The following ANO8 variants were observed in gnomAD, a reference collection of about 807,000 sequenced individuals.
ANO8 encodes anoctamin 8.
ANO8 carries 67 observed loss-of-function variants against 120.4 expected under a neutral mutation model. The ratio of observed to expected loss-of-function variants is 0.56; its 90% CI spans 0.46 to 0.68. ANO8 has a LOEUF of 0.68. Among genes scored for constraint, ANO8 ranks in the 30% least tolerant of loss-of-function variants. The probability of loss-of-function intolerance (pLI) is 0.00; values close to 1 mark genes in which losing one functional copy is unlikely to be tolerated. For missense variants in ANO8, 1,526 were observed against 1,737.6 expected (o/e 0.88, Z 2.16); for synonymous variants, 727 against 759.2 (o/e 0.96, Z 0.70).
At position 17,327,458 on chromosome 19, in the gene ANO8, C is replaced by G. The variant is rs753940125; in HGVS notation, c.2530G>C (p.Val844Leu). Residue 844 changes from valine (V) to leucine (L), a missense_variant, in exon 15 of 18, where the codon GTG (valine) becomes CTG (leucine). Val to Leu is a conservative substitution (Grantham distance 32). Around this residue, in one of 8 missense-constraint regions of ANO8, gnomAD observed 489 missense variants for 548.6 expected, o/e 0.89. Transcript: ENST00000159087. ...FPWLSPEAAI[V>L]SVVVLEHFAL... ...CCCACCTCGAGCACTACCACCGACACGATGGCTGCCTCCGGGCTCAGCCAG... is the reference window on the plus strand; with the variant it reads ...CCCACCTCGAGCACTACCACCGACAGGATGGCTGCCTCCGGGCTCAGCCAG... 51 of 1,612,094 alleles carry G rather than the reference C, an allele frequency of 3.2e-5. No homozygotes were observed. Among genetic ancestry groups the G allele is most frequent in the Non-Finnish European group, 4.3e-5 (51 of 1,179,432 alleles).
Position 17,334,731 on chromosome 19 carries a change from A to G in ANO8, c.-61T>C, listed in dbSNP as rs1045729687. On this transcript the variant is annotated 5_prime_UTR_variant, in exon 1 of 18. The change abolishes an upstream ATG in the 5' untranslated region. Transcript: ENST00000159087. Reference sequence around the variant, plus strand: ...CCGGGCGACGGGGAGCCGCGGGCTCATGGGGCCGGTGCAGCCGCGGAGCGC... The same window carrying G: ...CCGGGCGACGGGGAGCCGCGGGCTCGTGGGGCCGGTGCAGCCGCGGAGCGC... 1 of 1,297,430 alleles carries G rather than the reference A, an allele frequency of 7.7e-7. No homozygotes were observed. The highest frequency in any genetic ancestry group is 9.9e-7 in the Non-Finnish European group (1 of 1,007,678). The allele number at this position is 1,297,430 out of a possible 1,614,324, so 80.4% of individuals were successfully genotyped here. A position where few individuals can be genotyped will look rare whatever the true frequency, so the allele number is the denominator to read the frequency against.
Position 17,327,324 on chromosome 19 carries a change from A to C in ANO8, c.2572T>G (p.Tyr858Asp), listed in dbSNP as rs2074279145. ...TCGGGGATGGCCACGTGGATGAGGTACTTGAGGAGCAGAGCGAAGTGCTGC... is the reference window on the plus strand; with the variant it reads ...TCGGGGATGGCCACGTGGATGAGGTCCTTGAGGAGCAGAGCGAAGTGCTGC... ...VLEHFALLLK[Y>D]LIHVAIPDIP... The change falls in exon 16 of 18, where the codon TAC becomes GAC. Residue 858 changes from tyrosine (Y) to aspartate (D), a missense_variant. This residue lies in a region of ANO8 where 489 missense variants were observed against 548.6 expected (regional missense o/e 0.89). Transcript: ENST00000159087. The C allele has an allele frequency of 6.4e-7, 1 of 1,550,448 alleles. No individual in the cohort carries two copies. Among genetic ancestry groups the C allele is most frequent in the South Asian group, 1.2e-5 (1 of 84,114 alleles).
chr19:17,331,193 A>G lies in ANO8; in HGVS notation c.726T>C (p.Gly242=). 1 of 1,614,090 alleles carries G rather than the reference A, an allele frequency of 6.2e-7. No homozygotes were observed. Among genetic ancestry groups the G allele is most frequent in the Non-Finnish European group, 8.5e-7 (1 of 1,180,022 alleles). ...AGGCGAAGTACATGGCAATTTTCACACCAAAGTAATCACAGATGTCATCTG... is the reference window on the plus strand; with the variant it reads ...AGGCGAAGTACATGGCAATTTTCACGCCAAAGTAATCACAGATGTCATCTG... The part of the protein sequence containing the change: ...QPLDDICDYF[G]VKIAMYFAWL... The change falls in exon 7 of 18, where the codon GGT becomes GGC. Residue 242 remains glycine (G), a synonymous_variant. Coordinates refer to ENST00000159087, the MANE Select transcript of ANO8 (RefSeq NM_020959.3).
Position 17,328,221 on chromosome 19 carries a change from C to T in ANO8, c.2167G>A (p.Glu723Lys). Residue 723 changes from glutamate (E) to lysine (K), a missense_variant, in exon 13 of 18, where the codon GAG becomes AAG. Glu to Lys is a moderately conservative substitution (Grantham distance 56). Around this residue, in one of 8 missense-constraint regions of ANO8, gnomAD observed 467 missense variants for 425.8 expected, o/e 1.10. Transcript: ENST00000159087. ...NRSSWIDPPE[E>K]EHSPQLTQAE... Reference sequence around the variant, plus strand: ...TGGGTGAGCTGGGGCGAGTGTTCCTCCTCCGGCGGGTCAATCCAAGACGAC... The same window carrying T: ...TGGGTGAGCTGGGGCGAGTGTTCCTTCTCCGGCGGGTCAATCCAAGACGAC... 2 of 1,606,440 alleles carry T rather than the reference C, an allele frequency of 1.2e-6. No individual in the cohort carries two copies. The highest frequency in any genetic ancestry group is 1.7e-6 in the Non-Finnish European group (2 of 1,174,522).
At position 17,324,841 on chromosome 19, in the gene ANO8, C is replaced by T. The variant is rs778773714; in HGVS notation, c.3207G>A (p.Ala1069=). Residue 1069 remains alanine (A), a synonymous_variant, in exon 17 of 18, where the codon GCG becomes GCA. Transcript: ENST00000159087. The part of the protein sequence containing the change: ...GTRAEPGSNG[A]GGQARPDGTP... The stretch of plus-strand genomic sequence containing the variant: ...TCCCATCTGGCCGGGCCTGCCCGCC[C>T]GCCCCGTTGGACCCAGGCTCAGCCC... 8 of 1,611,838 alleles carry T rather than the reference C, an allele frequency of 5.0e-6. No individual in the cohort carries two copies. Among genetic ancestry groups the T allele is most frequent in the Admixed American group, 1.7e-5 (1 of 59,900 alleles).
chr19:17,327,272 A>G lies in ANO8; in HGVS notation c.2624T>C (p.Met875Thr), dbSNP rs1448487264. Residue 875 changes from methionine (M) to threonine (T), a missense_variant, in exon 16 of 18, where the codon ATG becomes ACG. Met to Thr is a moderately conservative substitution (Grantham distance 81). Around this residue, in one of 8 missense-constraint regions of ANO8, gnomAD observed 489 missense variants for 548.6 expected, o/e 0.89. Transcript: ENST00000159087. ...GCGGCGCTGGTACTCCAGCTTGGCC[A>G]TTTCCTCGGCCACCCAGCCCGGGAT... The part of the protein sequence containing the change: ...PDIPGWVAEE[M>T]AKLEYQRREA... 6.5e-7 allele frequency: 1 copy of G among 1,548,558 alleles called. No homozygotes were observed. The highest frequency in any genetic ancestry group is 2.4e-5 in the East Asian group (1 of 40,904).
chr19:17,330,771 C>T (rs2074311853), intron 8 of ANO8, 57 bp downstream of exon 8: 1 of 1,561,520 alleles, frequency 6.4e-7, no homozygotes, highest in South Asian at 1.2e-5. Context: ...CCTGCAGTGC[C>T]CCCCACCATT....
In ANO8 at chr19:17,334,734, G is replaced by A. The variant is rs1021245927; in HGVS notation, c.-64C>T. Reference sequence around the variant, plus strand: ...GGCGACGGGGAGCCGCGGGCTCATGGGGCCGGTGCAGCCGCGGAGCGCGCG... The same window carrying A: ...GGCGACGGGGAGCCGCGGGCTCATGAGGCCGGTGCAGCCGCGGAGCGCGCG... On this transcript the variant is annotated 5_prime_UTR_variant, in exon 1 of 18. Transcript: ENST00000159087. The A allele has an allele frequency of 6.2e-6, 8 of 1,293,020 alleles. No individual in the cohort carries two copies. Among genetic ancestry groups the A allele is most frequent in the Non-Finnish European group, 8.0e-6 (8 of 1,003,696 alleles). The allele number at this position is 1,293,020 out of a possible 1,614,324, so 80.1% of individuals were successfully genotyped here.
intron 13 of ANO8, 128 bp downstream of exon 13, chr19:17,328,034 T>A: frequency 1.5e-6 from 2 of 1,359,544 alleles, no homozygotes; most frequent in Non-Finnish European, 2.0e-6. Context: ...TAGGCCTTCC[T>A]CTCCTGCAGC....
rs767530552 is a variant in ANO8 at position 17,330,862 on chromosome 19, C to G, written c.959G>C (p.Gly320Ala). The G allele has an allele frequency of 6.2e-7, 1 of 1,614,168 alleles. No homozygotes were observed. The highest frequency in any genetic ancestry group is 1.7e-5 in the Admixed American group (1 of 60,014). Residue 320 changes from glycine (G) to alanine (A), a missense_variant, in exon 8 of 18, where the codon GGG becomes GCG. Physicochemically the swap from Gly to Ala is moderately conservative, Grantham distance 60. Transcript: ENST00000159087. Reference sequence around the variant, plus strand: ...GGGGCGTGGCTCCTCCACGGCTTCCCCAGGTGAGTCCAGCGTCCCCCACTT... The same window carrying G: ...GGGGCGTGGCTCCTCCACGGCTTCCGCAGGTGAGTCCAGCGTCCCCCACTT... ...AYKWGTLDSP[G>A]EAVEEPRPQF...
In ANO8 at chr19:17,328,442, A is replaced by G; in HGVS notation, c.1946T>C (p.Leu649Pro). 20 of 1,559,664 alleles carry G rather than the reference A, an allele frequency of 1.3e-5. No homozygotes were observed. Among genetic ancestry groups the G allele is most frequent in the Non-Finnish European group, 1.7e-5 (20 of 1,158,682 alleles). ...EGSPTMVEKGLEPGVFTLAEE... is the reference protein window; with the variant it reads ...EGSPTMVEKGPEPGVFTLAEE... ...GGCCAGGGTGAACACTCCCGGCTCC[A>G]GCCCCTTCTCCACCATAGTGGGGCT... The change falls in exon 13 of 18, where the codon CTG becomes CCG. Residue 649 changes from leucine to proline, a missense_variant. By Grantham distance (98) the Leu-to-Pro change is moderately conservative (BLOSUM62 -3). Around this residue, in one of 8 missense-constraint regions of ANO8, gnomAD observed 467 missense variants for 425.8 expected, o/e 1.10. Coordinates refer to ENST00000159087, the MANE Select transcript of ANO8 (RefSeq NM_020959.3).
chr19:17,324,586 G>T, intron 17 of ANO8, 131 bp downstream of exon 17: 1 of 1,436,030 alleles, frequency 7.0e-7, no homozygotes, highest in Non-Finnish European at 9.2e-7. Context: ...ACGTACCACT[G>T]ACCCAGGTCC....
chr19:17,328,719 C>G lies in ANO8; in HGVS notation c.1669G>C (p.Glu557Gln). 1 of 1,367,200 alleles carries G rather than the reference C, an allele frequency of 7.3e-7. No individual in the cohort carries two copies. 84.7% of individuals were successfully genotyped at this position (1,367,200 alleles called of 1,614,324 possible). ...CGCCGCTCCACCAGCGCCGCCTCCT[C>G]CTCCTCCTCCGGCGCCCCGCAGCCC... ...SGGCGAPEEE[E>Q]EAALVERRRA... is the part of the protein sequence containing the mutation. Residue 557 changes from glutamate (E) to glutamine (Q), a missense_variant, in exon 13 of 18, where the codon GAG becomes CAG. Physicochemically the swap from Glu to Gln is conservative, Grantham distance 29. Coordinates refer to ENST00000159087, the MANE Select transcript of ANO8 (RefSeq NM_020959.3).
intron 1 of ANO8, among the ~76,000 whole-genome samples, 177 bp downstream of exon 1, chr19:17,334,388 G>T (rs954157932): frequency 1.3e-5 from 2 of 152,152 alleles, no homozygotes; most frequent in Non-Finnish European, 2.9e-5. Flanking sequence ...CGGGACCCCA[G>T]CCCGAAGCAC....
rs141292857 is a variant in ANO8, at chr19:17,328,186, C to T, written c.2202G>A (p.Leu734=). The T allele has an allele frequency of 2.5e-6, 4 of 1,588,398 alleles. No homozygotes were observed. The highest frequency in any genetic ancestry group is 3.4e-6 in the Non-Finnish European group (4 of 1,162,388). ...CCTCGTACTTCTTCATACAGCTCTC[C>T]AGCTCTGCCTGGGTGAGCTGGGGCG... ...EHSPQLTQAE[L]ESCMKKYEDT... is the part of the protein sequence containing the mutation. The change falls in exon 13 of 18, where the codon CTG becomes CTA. Residue 734 remains leucine, a synonymous_variant. Coordinates refer to ENST00000159087, the MANE Select transcript of ANO8 (RefSeq NM_020959.3).
chr19:17,329,509 G>A, intron 12 of ANO8: 1 of 553,974 alleles, frequency 1.8e-6, no homozygotes, highest in Non-Finnish European at 3.2e-6. Flanking sequence ...GCTGCCGCTC[G>A]AGGCTCTGGG....
intron 12 of ANO8, chr19:17,329,218 C>T (rs2074298887): frequency 6.5e-6 from 3 of 463,622 alleles, no homozygotes; most frequent in Non-Finnish European, 1.1e-5. Context: ...AGGCCCAGCG[C>T]GTCTCCACCC....
intron 8 of ANO8, 61 bp from the exon 9 acceptor site, chr19:17,330,565 A>T: frequency 6.9e-7 from 1 of 1,458,218 alleles, no homozygotes; most frequent in South Asian, 1.4e-5. Context: ...TGCCTTCTGC[A>T]CCCCTCCCTA....
In ANO8 at chr19:17,330,107, C is replaced by T. The variant is rs761506541; in HGVS notation, c.1273+18G>A. On this transcript the variant is annotated intron_variant, in intron 10 of 17. Transcript: ENST00000159087. ...GCAGTGGAGACCTTCCTCCCAGAGA[C>T]CCCCTGGCAGGTCGTACCCATGTCA... is the stretch of plus-strand genomic sequence containing the variant. 3.1e-6 allele frequency: 5 copies of T among 1,613,828 alleles called. No individual in the cohort carries two copies. The highest frequency in any genetic ancestry group is 1.6e-4 in the Middle Eastern group (1 of 6,084).
Sources: allele counts gnomAD v4.1 joint callset (sites outside exome capture counted in the v4.1 genomes callset), GRCh38; gene constraint gnomAD v4.1.1; regional missense constraint gnomAD v4.1.1; transcripts MANE v1.5; gene names NCBI Gene and HGNC (gene_info 2026-07-23, HGNC 2026-07-21).